Variants in SYNE4 observed in about 807,000 individuals in gnomAD.
SYNE4 encodes the protein spectrin repeat containing nuclear envelope family member 4.
In SYNE4, 41 loss-of-function variants were observed where a neutral mutation model predicts 46.9. The observed-to-expected ratio is 0.87, with a 90% CI of 0.68 to 1.13. The LOEUF is 1.13. Among genes scored for constraint, SYNE4 ranks in the 50% most tolerant of loss-of-function variants. The pLI, the probability that SYNE4 is intolerant of heterozygous loss-of-function variation, is 0.00. For missense variants in SYNE4, 492 were observed against 514.8 expected, an observed-to-expected ratio of 0.96 and a Z score of 0.43; for synonymous variants, 221 against 219.5, an observed-to-expected ratio of 1.01 and a Z score of -0.06.
rs1167213376 is a variant in SYNE4 at position 36,008,580 on chromosome 19, G to A, written c.102C>T (p.Cys34=). The stretch of plus-strand genomic sequence containing the variant: ...TCGTGCTCTCCTCTCCGGACGCGGG[G>A]CAGACGGTGCATCCAACAATGTCCG... ...READIVGCTV[C]PASGEESTSP... is the part of the protein sequence containing the mutation. The change falls in exon 1 of 8, where the codon TGC becomes TGT. Residue 34 remains cysteine, a synonymous_variant. Coordinates refer to ENST00000324444, the MANE Select transcript of SYNE4 (RefSeq NM_001039876.3). 1 of 1,613,834 alleles carries A rather than the reference G, an allele frequency of 6.2e-7. No homozygotes were observed. Among genetic ancestry groups the A allele is most frequent in the Non-Finnish European group, 8.5e-7 (1 of 1,179,924 alleles).
chr19:36,007,969 G>T (rs1359960872), intron 2 of SYNE4, among the ~76,000 whole-genome samples: 3 of 151,768 alleles, frequency 2.0e-5, no homozygotes, highest in Admixed American at 2.0e-4. Context: ...AGGTTGCAGT[G>T]AGCAGAGATC....
chr19:36,003,448 C>T lies in SYNE4; in HGVS notation c.1104G>A (p.Val368=), dbSNP rs1316224508. 6.2e-7 allele frequency: 1 copy of T among 1,613,242 alleles called. No individual in the cohort carries two copies. The highest frequency in any genetic ancestry group is 1.7e-5 in the Admixed American group (1 of 59,784). The change falls in exon 8 of 8, where the codon GTG becomes GTA. Residue 368 remains valine, a synonymous_variant. Transcript: ENST00000324444. The stretch of plus-strand genomic sequence containing the variant: ...ACGCGGGCAGGAGAAACATGGCACC[C>T]ACCAGGAGGAGGAAGAGGAGGAAGA... ...LILFLLFLLL[V]GAMFLLPASG... is the part of the protein sequence containing the mutation.
At chr19:36,005,503 G>A in intron 5 of SYNE4, 66 bp from the exon 6 acceptor site, 1 of 1,454,084 alleles carries the variant, frequency 6.9e-7, no homozygotes, top group Non-Finnish European at 9.6e-7. Flanking sequence ...TCATAGAGAT[G>A]AGATTCTGGG....
At position 36,008,282 on chromosome 19, in the gene SYNE4, C is replaced by T. The variant is rs1487632497; in HGVS notation, c.214G>A (p.Ala72Thr). 6 of 1,599,434 alleles carry T rather than the reference C, an allele frequency of 3.8e-6. No individual in the cohort carries two copies. The highest frequency in any genetic ancestry group is 2.3e-5 in the South Asian group (2 of 88,850). The change falls in exon 2 of 8, where the codon GCT becomes ACT. Residue 72 changes from alanine to threonine, a missense_variant. By Grantham distance (58) the Ala-to-Thr change is moderately conservative. Coordinates refer to ENST00000324444, the MANE Select transcript of SYNE4 (RefSeq NM_001039876.3). ...QGGPRGNEPA[A>T]HPPRWSTPSS... ...GGTGTTGACCATCTCGGGGGGTGAG[C>T]GGCAGGCTCATTGCCCCTTGGCCCA...
In SYNE4 at chr19:36,004,866, C is replaced by CTTTTTTTTTT. The variant is rs59700541; in HGVS notation, c.972+457_972+466dup. On this transcript the variant is annotated intron_variant, in intron 6 of 7. Transcript: ENST00000324444. ...GAGCCCTGATGTTATTTCTTTCTTT[C>CTTTTTTTTTT]TTTTTTTTTTTTTTTTTTTTTTTTT... Among the ~76,000 whole-genome samples the CTTTTTTTTTT allele has an allele frequency of 6.6e-4, 59 of 89,906 alleles. 1 individual carries two copies. Among genetic ancestry groups the CTTTTTTTTTT allele is most frequent in the South Asian group, 1.3e-3 (3 of 2,372 alleles). 59.0% of individuals were successfully genotyped at this position (89,906 alleles called of 152,430 possible). A position where few individuals can be genotyped will look rare whatever the true frequency, so the allele number is the denominator to read the frequency against.
chr19:36,008,536 C>T lies in SYNE4; in HGVS notation c.128+18G>A. 1 of 1,613,190 alleles carries T rather than the reference C, an allele frequency of 6.2e-7. No homozygotes were observed. The highest frequency in any genetic ancestry group is 8.5e-7 in the Non-Finnish European group (1 of 1,179,918). On this transcript the variant is annotated intron_variant, in intron 1 of 7. Transcript: ENST00000324444. ...GCCTACCCTTTTGGGAACAAGCTTC[C>T]AAAGCCCCGGCCCCCACCTCGTGCT...
rs1968456833 is a variant in SYNE4, at chr19:36,008,377, A to C, written c.129-10T>G. ...CTGGGCCTGCTCTGGGCTAGGAGGCAGGGGGCGGTGACTGGGTGAGTCTCG... is the reference window on the plus strand; with the variant it reads ...CTGGGCCTGCTCTGGGCTAGGAGGCCGGGGGCGGTGACTGGGTGAGTCTCG... On this transcript the variant is annotated splice_polypyrimidine_tract_variant and intron_variant, in intron 1 of 7. Coordinates refer to ENST00000324444, the MANE Select transcript of SYNE4 (RefSeq NM_001039876.3). 10 of 1,557,776 alleles carry C rather than the reference A, an allele frequency of 6.4e-6. No individual in the cohort carries two copies. Among genetic ancestry groups the C allele is most frequent in the Non-Finnish European group, 8.7e-6 (10 of 1,149,702 alleles).
In SYNE4 at chr19:36,006,524, C is replaced by T. The variant is rs2145351183; in HGVS notation, c.766G>A (p.Gly256Arg). 3 of 1,608,092 alleles carry T rather than the reference C, an allele frequency of 1.9e-6. No homozygotes were observed. The highest frequency in any genetic ancestry group is 1.1e-5 in the South Asian group (1 of 90,104). The change falls in exon 5 of 8, where the codon GGG becomes AGG. Residue 256 changes from glycine to arginine, a missense_variant. Transcript: ENST00000324444. The part of the protein sequence containing the change: ...ELEWDPAGDI[G>R]GLGPLGQKTA... ...TTTTGTCCCAAGGGCCCAAGGCCCC[C>T]AATGTCCCCCGCCGGATCCCACTCC...
intron 2 of SYNE4, 145 bp from the exon 3 acceptor site, chr19:36,007,413 C>T: frequency 1.4e-6 from 2 of 1,425,562 alleles, no homozygotes; most frequent in Non-Finnish European, 1.8e-6. Context: ...GGATGGCTCC[C>T]ACTGGGGGGG....
rs1025127823 is a variant in SYNE4, at chr19:36,008,136, G to A, written c.279+81C>T. 1.9e-5 allele frequency: 28 copies of A among 1,472,362 alleles called. No homozygotes were observed. In the African/African-American group the frequency reaches 2.3e-4, roughly 12 times the overall value. The allele number at this position is 1,472,362 out of a possible 1,614,324, so 91.2% of individuals were successfully genotyped here. On this transcript the variant is annotated intron_variant, in intron 2 of 7. Coordinates refer to ENST00000324444, the MANE Select transcript of SYNE4 (RefSeq NM_001039876.3). ...CAACACCTTTCCAGAATCATCACCC[G>A]GTCCTCAGTATGGAGGCCAGACTCC...
intron 5 of SYNE4, chr19:36,005,763 A>C: frequency 4.5e-6 from 1 of 223,436 alleles, no homozygotes; most frequent in Non-Finnish European, 9.1e-6. Context: ...TTATGCCTGT[A>C]ATCCCAGCAC....
rs377470486 is a variant in SYNE4 at position 36,008,750 on chromosome 19, T to A, written c.-69A>T. The A allele has an allele frequency of 6.4e-5, 97 of 1,507,002 alleles. No homozygotes were observed. The East Asian group carries it at 1.1e-3, about 17-fold the overall frequency. 93.4% of individuals were successfully genotyped at this position (1,507,002 alleles called of 1,614,324 possible). A position where few individuals can be genotyped will look rare whatever the true frequency, so the allele number is the denominator to read the frequency against. On this transcript the variant is annotated 5_prime_UTR_variant, in exon 1 of 8. Transcript: ENST00000324444. Reference sequence around the variant, plus strand: ...AAGACCTCTTCCCTAGACAAGGGTGTCCCAGAGCTCCTCCGCTGGAGTCAC... The same window carrying A: ...AAGACCTCTTCCCTAGACAAGGGTGACCCAGAGCTCCTCCGCTGGAGTCAC...
At position 36,007,313 on chromosome 19, in the gene SYNE4, A is replaced by G. The variant is rs573702033; in HGVS notation, c.280-45T>C. The stretch of plus-strand genomic sequence containing the variant: ...GGTCAGGGCCAGTGGGCCAATCAAG[A>G]TATCACCCCTGCTCCCATCCCCACC... On this transcript the variant is annotated intron_variant, in intron 2 of 7. Transcript: ENST00000324444. 3.4e-5 allele frequency: 53 copies of G among 1,549,444 alleles called. No individual in the cohort carries two copies. In the East Asian group the frequency reaches 1.0e-3, roughly 29 times the overall value.
Position 36,003,499 on chromosome 19 carries a change from C to T in SYNE4, c.1053G>A (p.Arg351=), listed in dbSNP as rs1976743582. The stretch of plus-strand genomic sequence containing the variant: ...GGATAAGGAGGAAGGTCAGAGGCTG[C>T]CTGGATGCAGGATCGGGGGCCCTGT... ...GNPGAPDPAS[R]QPLTFLLILF... The change falls in exon 8 of 8, where the codon AGG becomes AGA. Residue 351 remains arginine, a synonymous_variant. Transcript: ENST00000324444. 1.9e-6 allele frequency: 3 copies of T among 1,603,072 alleles called. No homozygotes were observed. The South Asian group carries it at 3.3e-5, about 18-fold the overall frequency.
Position 36,006,636 on chromosome 19 carries a change from C to A in SYNE4, c.654G>T (p.Leu218Phe), listed in dbSNP as rs767232259. Reference protein sequence around the residue: ...FEEANTLDQDLEVEGDSDWPG... With the variant: ...FEEANTLDQDFEVEGDSDWPG... Reference sequence around the variant, plus strand: ...GCCAGTCCGAGTCTCCCTCGACCTCCAAGTCCTGGTCCAGCGTGTTGGCCT... The same window carrying A: ...GCCAGTCCGAGTCTCCCTCGACCTCAAAGTCCTGGTCCAGCGTGTTGGCCT... The change falls in exon 5 of 8, where the codon TTG becomes TTT. Residue 218 changes from leucine (L) to phenylalanine (F), a missense_variant. Transcript: ENST00000324444. 1.2e-6 allele frequency: 2 copies of A among 1,609,756 alleles called. No homozygotes were observed. The highest frequency in any genetic ancestry group is 1.7e-6 in the Non-Finnish European group (2 of 1,177,550).
chr19:36,008,182 G>C, intron 2 of SYNE4, 35 bp downstream of exon 2: 2 of 1,582,764 alleles, frequency 1.3e-6, no homozygotes, highest in Non-Finnish European at 1.7e-6. Flanking sequence ...GAGGAGGTGG[G>C]GCTGGCACAA....
chr19:36,004,866 C>CT (rs59700541), intron 6 of SYNE4, among the ~76,000 whole-genome samples: 8,821 of 89,812 alleles, frequency 0.098, 880 homozygotes, highest in Admixed American at 0.14. Context: ...TTCTTTCTTT[C>CT]TTTTTTTTTT....
At chr19:36,004,984 TCTC>T (rs997639616) in intron 6 of SYNE4, among the ~76,000 whole-genome samples, 1 of 150,114 alleles carries the variant, frequency 6.7e-6, no homozygotes, top group Non-Finnish European at 1.5e-5. Flanking sequence ...CTCAAGCGAT[TCTC>T]CTCCTGAGTA....
intron 5 of SYNE4, chr19:36,005,645 G>A: frequency 1.8e-6 from 1 of 546,644 alleles, no homozygotes; most frequent in Non-Finnish European, 3.3e-6. Flanking sequence ...TCTAGGAGCT[G>A]AGGACACAGT....
Sources: allele counts gnomAD v4.1 joint callset (sites outside exome capture counted in the v4.1 genomes callset), GRCh38; gene constraint gnomAD v4.1.1; transcripts MANE v1.5; gene names NCBI Gene and HGNC (gene_info 2026-07-23, HGNC 2026-07-21).